Variants in HS3ST5 observed in about 807,000 individuals in gnomAD.
The protein encoded by HS3ST5 is heparan sulfate-glucosamine 3-sulfotransferase 5.
In HS3ST5, 10 loss-of-function variants were observed where a neutral mutation model predicts 25.4. That is an observed-to-expected ratio of 0.39 (90% CI 0.24 to 0.67). HS3ST5 has a LOEUF of 0.67. Ranked by LOEUF, HS3ST5 falls within the 30% of genes least tolerant of loss-of-function variation. The probability of loss-of-function intolerance (pLI) is 0.44; values close to 1 mark genes in which losing one functional copy is unlikely to be tolerated. For missense variants in HS3ST5, 324 were observed against 420.7 expected (o/e 0.77, Z 2.01); for synonymous variants, 170 against 162.4 (o/e 1.05, Z -0.36).
At chr6:114,340,529 G>C (rs1424590119) in intron 1 of HS3ST5, 1 of 152,108 alleles carries the variant, frequency 6.6e-6, no homozygotes, top group Non-Finnish European at 1.5e-5. Context: ...CAGTTCACTG[G>C]TGAATAACTT....
At chr6:114,060,159 G>C (rs11153460) in intron 4 of HS3ST5, among the ~76,000 whole-genome samples, 42,354 of 151,842 alleles carry the variant, frequency 0.28, 6,129 homozygotes, top group Admixed American at 0.4. Flanking sequence ...GATTACAGGC[G>C]TGCGCCACCA....
At chr6:114,119,672 G>GA (rs1419040685) in intron 3 of HS3ST5, among the ~76,000 whole-genome samples, 1 of 152,168 alleles carries the variant, frequency 6.6e-6, no homozygotes, top group Non-Finnish European at 1.5e-5. Flanking sequence ...AGGATGGGAA[G>GA]ATTTAGCATA....
chr6:114,189,651 T>C (rs1033747012), intron 2 of HS3ST5, among the ~76,000 whole-genome samples: 2 of 152,184 alleles, frequency 1.3e-5, no homozygotes, highest in Admixed American at 6.5e-5. Flanking sequence ...TTTCCATGCA[T>C]ATTTTTCTTT....
chr6:114,142,275 C>G (rs959729885), intron 3 of HS3ST5, among the ~76,000 whole-genome samples: 1 of 152,062 alleles, frequency 6.6e-6, no homozygotes, highest in Non-Finnish European at 1.5e-5. Flanking sequence ...TTGTAATGAA[C>G]GTTTAAAACA....
intron 2 of HS3ST5, among the ~76,000 whole-genome samples, chr6:114,184,662 G>A (rs1023321658): frequency 1.2e-4 from 18 of 152,198 alleles, no homozygotes; most frequent in African/African-American, 3.9e-4. Context: ...CCATTGCCTT[G>A]TTTTCAATAG....
chr6:114,285,991 A>T (rs781178751), intron 1 of HS3ST5, among the ~76,000 whole-genome samples: 2 of 151,870 alleles, frequency 1.3e-5, no homozygotes, highest in Admixed American at 6.6e-5. Flanking sequence ...AAAAAATCGA[A>T]ATATACACGT....
chr6:114,208,969 T>G (rs1781396244), intron 2 of HS3ST5, among the ~76,000 whole-genome samples: 1 of 152,090 alleles, frequency 6.6e-6, no homozygotes, highest in African/African-American at 2.4e-5. Context: ...ATGAATACAA[T>G]GAATGTAGCC....
intron 1 of HS3ST5, among the ~76,000 whole-genome samples, chr6:114,267,818 T>G (rs1037581399): frequency 1.3e-5 from 2 of 152,174 alleles, no homozygotes; most frequent in Non-Finnish European, 2.9e-5. Context: ...TTTCTCGAAT[T>G]CCGGGTCACT....
At chr6:114,212,085 G>T (rs1199313694) in intron 2 of HS3ST5, among the ~76,000 whole-genome samples, 1 of 152,206 alleles carries the variant, frequency 6.6e-6, no homozygotes, top group African/African-American at 2.4e-5. Context: ...GATTAAAGGG[G>T]TTTGTGTTAA....
chr6:114,226,113 T>C (rs542890721), intron 2 of HS3ST5, among the ~76,000 whole-genome samples: 1 of 152,102 alleles, frequency 6.6e-6, no homozygotes, highest in African/African-American at 2.4e-5. Flanking sequence ...AATTAAGACA[T>C]ATTAACACTA....
intron 1 of HS3ST5, among the ~76,000 whole-genome samples, chr6:114,302,861 T>C (rs930691525): frequency 7.9e-5 from 12 of 152,216 alleles, no homozygotes; most frequent in African/African-American, 2.9e-4. Flanking sequence ...TGAATATGGA[T>C]GAACAACTTT....
At chr6:114,190,078 A>G (rs1780424235) in intron 2 of HS3ST5, among the ~76,000 whole-genome samples, 1 of 152,202 alleles carries the variant, frequency 6.6e-6, no homozygotes, top group South Asian at 2.1e-4. Flanking sequence ...CTCTTAGTTA[A>G]ATGCACTATT....
At chr6:114,307,208 T>C (rs540707507) in intron 1 of HS3ST5, among the ~76,000 whole-genome samples, 1 of 152,308 alleles carries the variant, frequency 6.6e-6, no homozygotes, top group African/African-American at 2.4e-5. Flanking sequence ...GAAACCTGTA[T>C]GAGATTACCT....
intron 3 of HS3ST5, among the ~76,000 whole-genome samples, chr6:114,122,001 C>T (rs147638339): frequency 0.01 from 1,569 of 152,300 alleles, 27 homozygotes; most frequent in African/African-American, 0.035. Context: ...GCGCTGCTAC[C>T]TTCTATGCCC....
At chr6:114,110,528 C>T (rs188141660) in intron 3 of HS3ST5, among the ~76,000 whole-genome samples, 67 of 152,230 alleles carry the variant, frequency 4.4e-4, no homozygotes, top group African/African-American at 1.5e-3. Context: ...GAAAACTAGC[C>T]AGTAGAGGCC....
intron 2 of HS3ST5, among the ~76,000 whole-genome samples, chr6:114,170,591 C>A (rs1779434021): frequency 6.6e-6 from 1 of 151,948 alleles, no homozygotes; most frequent in Non-Finnish European, 1.5e-5. Context: ...GCGAGTATAC[C>A]AAAACAGATT....
At chr6:114,074,172 A>G (rs2114741682) in intron 3 of HS3ST5, among the ~76,000 whole-genome samples, 1 of 152,266 alleles carries the variant, frequency 6.6e-6, no homozygotes, top group African/African-American at 2.4e-5. Context: ...GAGGGATAGC[A>G]TTAGGAGAAA....
chr6:114,146,186 G>A (rs1315300854), intron 3 of HS3ST5, among the ~76,000 whole-genome samples: 3 of 152,172 alleles, frequency 2.0e-5, no homozygotes, highest in African/African-American at 7.2e-5. Context: ...TGAGAGTAGA[G>A]AGCTTTATCC....
At chr6:114,058,243 T>C in intron 4 of HS3ST5, 53 bp from the exon 5 acceptor site, 3 of 1,395,848 alleles carry the variant, frequency 2.1e-6, no homozygotes, top group Non-Finnish European at 1.9e-6. Flanking sequence ...TTTTCATTTT[T>C]CTGGTTCCCC....
Sources: allele counts gnomAD v4.1 joint callset (sites outside exome capture counted in the v4.1 genomes callset), GRCh38; gene constraint gnomAD v4.1.1; transcripts MANE v1.5; gene names NCBI Gene and HGNC (gene_info 2026-07-23, HGNC 2026-07-21).